The following CDH12 variants were observed in gnomAD, a reference collection of about 807,000 sequenced individuals.
CDH12 encodes cadherin 12, also known as cadherin-12.
In CDH12, 41 loss-of-function variants were observed where a neutral mutation model predicts 74.1. The ratio of observed to expected loss-of-function variants is 0.55; its 90% CI spans 0.43 to 0.72. The LOEUF is 0.72. CDH12 is among the 30% of genes least tolerant of loss of function. The probability of loss-of-function intolerance (pLI) is 0.00; values close to 1 mark genes in which losing one functional copy is unlikely to be tolerated. For synonymous variants in CDH12, 399 were observed against 355.0 expected, an observed-to-expected ratio of 1.12 and a Z score of -1.39; for missense variants, 945 against 977.2, an observed-to-expected ratio of 0.97 and a Z score of 0.44.
intron 5 of CDH12, among the ~76,000 whole-genome samples, chr5:21,998,803 A>G (rs566470152): frequency 6.6e-6 from 1 of 152,264 alleles, no homozygotes; most frequent in Admixed American, 6.5e-5. Flanking sequence ...CCTTCATTGC[A>G]TGATAGACAG....
chr5:22,370,637 G>C (rs1291859946), intron 3 of CDH12, among the ~76,000 whole-genome samples: 1 of 151,996 alleles, frequency 6.6e-6, no homozygotes, highest in African/African-American at 2.4e-5. Context: ...CAAAATTGTA[G>C]CACTTATTAT....
chr5:21,837,758 G>T (rs1254560077), intron 8 of CDH12, among the ~76,000 whole-genome samples: 1 of 152,022 alleles, frequency 6.6e-6, no homozygotes, highest in African/African-American at 2.4e-5. Flanking sequence ...GTAGTAAAAA[G>T]GTCTTAATAC....
At chr5:21,966,177 T>C (rs1294444248) in intron 6 of CDH12, among the ~76,000 whole-genome samples, 1 of 134,868 alleles carries the variant, frequency 7.4e-6, no homozygotes, top group South Asian at 2.3e-4. Flanking sequence ...TTTTTTTTTC[T>C]TTTGGAAGAG....
intron 1 of CDH12, among the ~76,000 whole-genome samples, chr5:22,677,066 A>G (rs905999829): frequency 6.6e-6 from 1 of 152,184 alleles, no homozygotes; most frequent in Non-Finnish European, 1.5e-5. Context: ...AAAAAAGTGC[A>G]TAAATGGCAG....
intron 1 of CDH12, among the ~76,000 whole-genome samples, chr5:22,515,385 T>A (rs1438184889): frequency 6.6e-6 from 1 of 152,090 alleles, no homozygotes; most frequent in Non-Finnish European, 1.5e-5. Flanking sequence ...AGGGAGATGG[T>A]ATTGTCCTGC....
At chr5:22,356,688 T>C (rs1046243596) in intron 3 of CDH12, among the ~76,000 whole-genome samples, 13 of 152,138 alleles carry the variant, frequency 8.5e-5, no homozygotes, top group Admixed American at 4.6e-4. Flanking sequence ...GAACCATGAT[T>C]AACTCCAAGT....
chr5:21,826,800 A>G (rs143078743), intron 8 of CDH12, among the ~76,000 whole-genome samples: 376 of 152,292 alleles, frequency 2.5e-3, no homozygotes, highest in Non-Finnish European at 3.9e-3. Context: ...TTTTCTAAGC[A>G]CGTTTCCATT....
intron 1 of CDH12, among the ~76,000 whole-genome samples, chr5:22,732,455 T>C (rs941253589): frequency 6.5e-5 from 4 of 61,352 alleles, no homozygotes; most frequent in Non-Finnish European, 1.3e-4. Flanking sequence ...TGAATGTGTG[T>C]GTATATATAT....
chr5:22,321,926 T>G (rs921946269), intron 3 of CDH12, among the ~76,000 whole-genome samples: 4 of 152,180 alleles, frequency 2.6e-5, no homozygotes, highest in African/African-American at 9.7e-5. Context: ...GACCAAAATC[T>G]GTGTCTCTAA....
At chr5:22,325,955 C>T (rs892497800) in intron 3 of CDH12, among the ~76,000 whole-genome samples, 1 of 151,890 alleles carries the variant, frequency 6.6e-6, no homozygotes, top group African/African-American at 2.4e-5. Flanking sequence ...AGTAATAAAG[C>T]TAATCAAAAT....
intron 4 of CDH12, among the ~76,000 whole-genome samples, chr5:22,196,013 G>C (rs1421901600): frequency 2.0e-5 from 3 of 151,828 alleles, no homozygotes; most frequent in Admixed American, 1.3e-4. Flanking sequence ...AAATAAGAAC[G>C]TTCTACACGT....
At chr5:21,940,731 A>G (rs193184850) in intron 6 of CDH12, among the ~76,000 whole-genome samples, 181 of 152,264 alleles carry the variant, frequency 1.2e-3, no homozygotes, top group African/African-American at 4.2e-3. Context: ...GATGATATAC[A>G]ATTGCTTCAT....
intron 11 of CDH12, among the ~76,000 whole-genome samples, chr5:21,779,680 T>C (rs1745800770): frequency 6.6e-6 from 1 of 152,172 alleles, no homozygotes; most frequent in Non-Finnish European, 1.5e-5. Flanking sequence ...AGCCAAAACA[T>C]ATGCTAGTTC....
intron 2 of CDH12, among the ~76,000 whole-genome samples, chr5:22,489,320 G>A (rs993119901): frequency 6.6e-6 from 1 of 151,750 alleles, no homozygotes; most frequent in Non-Finnish European, 1.5e-5. Flanking sequence ...GCCTCCCAAA[G>A]TGCTGGGATT....
intron 1 of CDH12, among the ~76,000 whole-genome samples, chr5:22,634,605 T>G (rs1373639894): frequency 6.6e-6 from 1 of 152,084 alleles, no homozygotes; most frequent in South Asian, 2.1e-4. Context: ...AAAATGGGCA[T>G]AAATCAAAGG....
chr5:21,836,471 A>G (rs1234740981), intron 8 of CDH12, among the ~76,000 whole-genome samples: 1 of 149,018 alleles, frequency 6.7e-6, no homozygotes, highest in Non-Finnish European at 1.5e-5. Context: ...AAACACACAC[A>G]CACACACACA....
At chr5:21,757,082 G>A (rs75514214) in intron 13 of CDH12, among the ~76,000 whole-genome samples, 5,296 of 152,258 alleles carry the variant, frequency 0.035, 110 homozygotes, top group Middle Eastern at 0.071. Flanking sequence ...AATGTCTGGT[G>A]TGTCTGCACT....
At chr5:21,757,690 T>C (rs16888475) in intron 13 of CDH12, among the ~76,000 whole-genome samples, 5,301 of 152,282 alleles carry the variant, frequency 0.035, 113 homozygotes, top group Middle Eastern at 0.071. Flanking sequence ...CAGTATCATG[T>C]GGTTCCCATT....
At chr5:22,257,784 C>T (rs892360923) in intron 3 of CDH12, among the ~76,000 whole-genome samples, 2 of 152,004 alleles carry the variant, frequency 1.3e-5, no homozygotes, top group Non-Finnish European at 1.5e-5. Context: ...GCGTGAGCCA[C>T]GACACCTGAC....
Sources: allele counts gnomAD v4.1 joint callset (sites outside exome capture counted in the v4.1 genomes callset), GRCh38; gene constraint gnomAD v4.1.1; transcripts MANE v1.5; gene names NCBI Gene and HGNC (gene_info 2026-07-23, HGNC 2026-07-21).